Variants in CFH observed in about 807,000 individuals in gnomAD.
The protein encoded by CFH is H factor 1 (complement).
Under a neutral mutation model 147.3 loss-of-function variants are expected in CFH, and 53 were observed. That is an observed-to-expected ratio of 0.36 (90% confidence interval 0.29 to 0.45). The LOEUF (loss-of-function observed/expected upper bound fraction) is 0.45. CFH is among the 20% of genes least tolerant of loss of function. CFH has a pLI of 1.00. For missense variants in CFH, 1,380 were observed against 1,498.0 expected, an observed-to-expected ratio of 0.92 and a Z score of 1.30; for synonymous variants, 536 against 489.4, an observed-to-expected ratio of 1.10 and a Z score of -1.26.
At chr1:196,734,494 A>G (rs2149112009) in intron 15 of CFH, among the ~76,000 whole-genome samples, 1 of 152,216 alleles carries the variant, frequency 6.6e-6, no homozygotes, top group South Asian at 2.1e-4. Context: ...AAAAGCTAGG[A>G]TGATAGATGC....
chr1:196,716,715 A>C (rs984376963), intron 11 of CFH, among the ~76,000 whole-genome samples: 2 of 152,094 alleles, frequency 1.3e-5, no homozygotes, highest in African/African-American at 4.8e-5. Context: ...AGTGAGATTA[A>C]GGGACTCACA....
intron 11 of CFH, among the ~76,000 whole-genome samples, chr1:196,720,167 A>G (rs1047664394): frequency 1.3e-5 from 2 of 151,948 alleles, no homozygotes; most frequent in African/African-American, 4.8e-5. Context: ...TGACTCTGCA[A>G]TGACAGATAT....
intron 15 of CFH, among the ~76,000 whole-genome samples, chr1:196,731,912 T>A (rs1029237125): frequency 5.3e-5 from 8 of 152,026 alleles, no homozygotes; most frequent in African/African-American, 1.9e-4. Flanking sequence ...TTGGCTTTTT[T>A]CAATACTTGG....
intron 17 of CFH, 31 bp from the exon 18 acceptor site, chr1:196,740,588 G>C (rs372283020): frequency 1.2e-6 from 2 of 1,608,550 alleles, no homozygotes; most frequent in African/African-American, 2.7e-5. Flanking sequence ...TTATGAGTTA[G>C]TGAAACCTGA....
intron 17 of CFH, among the ~76,000 whole-genome samples, chr1:196,739,853 G>C (rs901478147): frequency 6.6e-6 from 1 of 152,244 alleles, no homozygotes; most frequent in Admixed American, 6.5e-5. Flanking sequence ...TTATCATGCT[G>C]CTATAAAGAA....
At chr1:196,727,878 T>G (rs572442361) in intron 14 of CFH, among the ~76,000 whole-genome samples, 3 of 152,258 alleles carry the variant, frequency 2.0e-5, no homozygotes, top group Admixed American at 2.0e-4. Flanking sequence ...CATGTCTTGA[T>G]CAGCAAGAAG....
At position 196,726,897 on chromosome 1, in the gene CFH, T is replaced by C. The variant is rs765007629; in HGVS notation, c.2193T>C (p.Ile731=). 2 of 1,613,814 alleles carry C rather than the reference T, an allele frequency of 1.2e-6. No individual in the cohort carries two copies. The highest frequency in any genetic ancestry group is 1.7e-5 in the Admixed American group (1 of 59,988). ...TTACAATGATTGGACACAGATCAAT[T>C]ACGTGTATTCATGGAGTATGGACCC... is the stretch of plus-strand genomic sequence containing the variant. ...ESFTMIGHRS[I]TCIHGVWTQL... Residue 731 remains isoleucine (I), a synonymous_variant, in exon 14 of 22, where the codon ATT becomes ATC. Coordinates refer to ENST00000367429, the MANE Select transcript of CFH (RefSeq NM_000186.4).
chr1:196,674,774 A>C (rs1667399052), intron 3 of CFH, among the ~76,000 whole-genome samples: 1 of 152,132 alleles, frequency 6.6e-6, no homozygotes, highest in Non-Finnish European at 1.5e-5. Flanking sequence ...TCAAAACTCT[A>C]CCACTTAACA....
chr1:196,654,597 G>A (rs77479164), intron 1 of CFH, among the ~76,000 whole-genome samples: 1,857 of 152,176 alleles, frequency 0.012, 43 homozygotes, highest in African/African-American at 0.042. Flanking sequence ...TGACCAAGCA[G>A]ATTTTTTAGA....
At chr1:196,713,290 A>G (rs1250618813) in intron 9 of CFH, among the ~76,000 whole-genome samples, 1 of 152,180 alleles carries the variant, frequency 6.6e-6, no homozygotes, top group Non-Finnish European at 1.5e-5. Context: ...CTTGGAGCCA[A>G]AGGCTATGAA....
intron 11 of CFH, among the ~76,000 whole-genome samples, chr1:196,724,496 C>T (rs373548994): frequency 6.6e-6 from 1 of 152,074 alleles, no homozygotes; most frequent in African/African-American, 2.4e-5. Flanking sequence ...TGGATCCACA[C>T]GGTGAGCTGC....
intron 9 of CFH, among the ~76,000 whole-genome samples, chr1:196,693,042 G>A (rs551375068): frequency 4.0e-5 from 6 of 151,398 alleles, no homozygotes; most frequent in South Asian, 2.1e-4. Context: ...GCTACTTTAC[G>A]GTTGTCATAT....
intron 9 of CFH, among the ~76,000 whole-genome samples, chr1:196,695,990 T>A (rs916306946): frequency 6.6e-6 from 1 of 152,142 alleles, no homozygotes; most frequent in African/African-American, 2.4e-5. Context: ...TGAATACTCC[T>A]TATTTCTTTC....
At chr1:196,709,000 C>T (rs1485793726) in intron 9 of CFH, among the ~76,000 whole-genome samples, 1 of 152,150 alleles carries the variant, frequency 6.6e-6, no homozygotes, top group Non-Finnish European at 1.5e-5. Context: ...TTCAAATTTA[C>T]TTGCCCAGAT....
At chr1:196,701,645 G>A (rs1668451511) in intron 9 of CFH, 1 of 350,036 alleles carries the variant, frequency 2.9e-6, no homozygotes, top group Non-Finnish European at 5.4e-6. Context: ...TTTGTGGCAA[G>A]CCAGGTCGAG....
intron 11 of CFH, among the ~76,000 whole-genome samples, chr1:196,723,052 T>C (rs2149107099): frequency 6.6e-6 from 1 of 152,292 alleles, no homozygotes; most frequent in African/African-American, 2.4e-5. Context: ...AAATAAATAT[T>C]TTAAATTCTT....
intron 15 of CFH, among the ~76,000 whole-genome samples, chr1:196,734,743 TA>T (rs1398948355): frequency 6.6e-6 from 1 of 151,838 alleles, no homozygotes; most frequent in Non-Finnish European, 1.5e-5. Context: ...GATCATTTTT[TA>T]AATCTTGATC....
At chr1:196,675,457 A>T (rs1441475763) in intron 3 of CFH, among the ~76,000 whole-genome samples, 1 of 152,254 alleles carries the variant, frequency 6.6e-6, no homozygotes, top group Non-Finnish European at 1.5e-5. Flanking sequence ...TAGAAACCCT[A>T]AGGTGTTCAG....
intron 18 of CFH, chr1:196,741,511 C>G (rs988468069): frequency 3.5e-6 from 1 of 289,034 alleles, no homozygotes; most frequent in African/African-American, 2.3e-5. Flanking sequence ...CCCACCAGGT[C>G]TCTCTCTCAA....
Sources: allele counts gnomAD v4.1 joint callset (sites outside exome capture counted in the v4.1 genomes callset), GRCh38; gene constraint gnomAD v4.1.1; transcripts MANE v1.5; gene names NCBI Gene and HGNC (gene_info 2026-07-23, HGNC 2026-07-21).